The following NARS1 variants were observed in gnomAD, a reference collection of about 807,000 sequenced individuals.
NARS1 encodes the protein asparaginyl-tRNA synthetase 1, also known as asparagine--tRNA ligase, cytoplasmic.
In NARS1, 65 loss-of-function variants were observed where a neutral mutation model predicts 79.2. That is an observed-to-expected ratio of 0.82 (90% CI 0.67 to 1.01). NARS1 has a LOEUF of 1.01. Among genes scored for constraint, NARS1 ranks in the 50% least tolerant of loss-of-function variants. The pLI is 0.00. For missense variants in NARS1, 649 were observed against 673.8 expected (o/e 0.96, Z 0.41); for synonymous variants, 229 against 238.8 (o/e 0.96, Z 0.38).
rs1219029185 is a variant in NARS1 at position 57,606,729 on chromosome 18, A to G, written c.1024T>C (p.Cys342Arg). Residue 342 changes from cysteine to arginine, a missense_variant, in exon 10 of 14, where the codon TGT becomes CGT. Transcript: ENST00000256854. ...LAEYTHVEAE[C>R]PFLTFDDLLN... ...AGGTCGTCAAAAGTCAGGAAAGGACACTCAGCTTCCACGTGAGTGTACCTG... is the reference window on the plus strand; with the variant it reads ...AGGTCGTCAAAAGTCAGGAAAGGACGCTCAGCTTCCACGTGAGTGTACCTG... 1 of 1,614,052 alleles carries G rather than the reference A, an allele frequency of 6.2e-7. No individual in the cohort carries two copies. The highest frequency in any genetic ancestry group is 8.5e-7 in the Non-Finnish European group (1 of 1,180,038).
intron 2 of NARS1, among the ~76,000 whole-genome samples, chr18:57,619,266 A>ATTTTTTTTTTTTTTT (rs57667136): frequency 8.1e-6 from 1 of 123,756 alleles, no homozygotes; most frequent in Non-Finnish European, 1.7e-5. Context: ...TGCCTGGCTA[A>ATTTTTTTTTTTTTTT]TTTTTTTTTT....
chr18:57,607,735 T>G, intron 7 of NARS1, 70 bp from the exon 8 acceptor site: 1 of 1,293,650 alleles, frequency 7.7e-7, no homozygotes, highest in Admixed American at 2.7e-5. Context: ...TATTGAGGAT[T>G]TTAATTTATG....
In NARS1 at chr18:57,620,636, G is replaced by C; in HGVS notation, c.26C>G (p.Ser9Cys). Residue 9 changes from serine (S) to cysteine (C), a missense_variant, in exon 2 of 14, where the codon TCT (serine) becomes TGT (cysteine). Transcript: ENST00000256854. ...CGTGGCATCGCTTCCCTCTCGGTCA[G>C]AGACGTACAGCTCTGCTGTTTGACA... MVLAELYV[S>C]DREGSDATGD... 6.2e-7 allele frequency: 1 copy of C among 1,613,292 alleles called. No homozygotes were observed. Among genetic ancestry groups the C allele is most frequent in the Non-Finnish European group, 8.5e-7 (1 of 1,179,414 alleles).
At chr18:57,616,588 C>T (rs1424448537) in intron 2 of NARS1, among the ~76,000 whole-genome samples, 1 of 152,210 alleles carries the variant, frequency 6.6e-6, no homozygotes, top group Admixed American at 6.5e-5. Context: ...GGTACAAGGA[C>T]AACAGAAGAG....
At chr18:57,613,011 C>T (rs1267803162) in intron 5 of NARS1, among the ~76,000 whole-genome samples, 1 of 152,106 alleles carries the variant, frequency 6.6e-6, no homozygotes, top group African/African-American at 2.4e-5. Flanking sequence ...ACTATAATTG[C>T]TAACCATTAA....
At chr18:57,612,235 A>T (rs1428188265) in intron 5 of NARS1, among the ~76,000 whole-genome samples, 2 of 152,186 alleles carry the variant, frequency 1.3e-5, no homozygotes, top group Admixed American at 1.3e-4. Flanking sequence ...CCACACAACC[A>T]GGGGAAAGCA....
At chr18:57,619,511 G>A (rs909382780) in intron 2 of NARS1, among the ~76,000 whole-genome samples, 17 of 151,834 alleles carry the variant, frequency 1.1e-4, no homozygotes, top group Non-Finnish European at 2.1e-4. Context: ...GATTACAAAC[G>A]TGAGGCACCA....
At chr18:57,618,516 G>A (rs1425777861) in intron 2 of NARS1, among the ~76,000 whole-genome samples, 2 of 152,132 alleles carry the variant, frequency 1.3e-5, no homozygotes, top group East Asian at 1.9e-4. Flanking sequence ...TTCTGCAAAC[G>A]TTCATCTAAA....
At position 57,602,412 on chromosome 18, in the gene NARS1, C is replaced by T. The variant is rs1462670820; in HGVS notation, c.1458G>A (p.Leu486=). The T allele has an allele frequency of 5.0e-6, 8 of 1,613,926 alleles. No homozygotes were observed. Among genetic ancestry groups the T allele is most frequent in the Non-Finnish European group, 6.8e-6 (8 of 1,179,870 alleles). Residue 486 remains leucine, a synonymous_variant, in exon 13 of 14, where the codon CTG becomes CTA. Transcript: ENST00000256854. ...CAATCCCTTCCCTTTTATAACCTGC[C>T]AGTATTTCTTCACTATCAAAGATAC... ...SMRIFDSEEI[L]AGYKREGIDP...
intron 13 of NARS1, among the ~76,000 whole-genome samples, chr18:57,602,049 A>C (rs190432470): frequency 1.4e-4 from 22 of 152,302 alleles, no homozygotes; most frequent in Admixed American, 7.2e-4. Context: ...AAAACTTTTA[A>C]AATAAGTCAA....
chr18:57,605,955 TG>T lies in NARS1; in HGVS notation c.1152del (p.Lys385AsnfsTer7), dbSNP rs1424147998. ...TAGTTCATCCGTTTGAAAGGCCGTT[TG>T]GGGGGCTGAAAGTTCTACAGAAGAA... Reference protein sequence around the residue: ...VHELNPNFQPPKRPFKRMNYS... With the variant: ...VHELNPNFQPXKRPFKRMNYS... On this transcript the variant is annotated frameshift_variant, in exon 11 of 14. Transcript: ENST00000256854. LOFTEE classifies it high-confidence loss of function. 6 of 1,612,964 alleles carry T rather than the reference TG, an allele frequency of 3.7e-6. No individual in the cohort carries two copies. The highest frequency in any genetic ancestry group is 5.1e-6 in the Non-Finnish European group (6 of 1,179,344).
intron 4 of NARS1, among the ~76,000 whole-genome samples, chr18:57,615,229 G>A (rs577343301): frequency 1.7e-4 from 26 of 149,214 alleles, no homozygotes; most frequent in Middle Eastern, 3.8e-3. Flanking sequence ...TAGGCCGGGC[G>A]CAGTGGCTCA....
At position 57,602,414 on chromosome 18, in the gene NARS1, G is replaced by C; in HGVS notation, c.1456C>G (p.Leu486Val). Residue 486 changes from leucine (L) to valine (V), a missense_variant, in exon 13 of 14, where the codon CTG becomes GTG. By Grantham distance (32) the Leu-to-Val change is conservative. Transcript: ENST00000256854. Reference sequence around the variant, plus strand: ...ATCCCTTCCCTTTTATAACCTGCCAGTATTTCTTCACTATCAAAGATACGC... The same window carrying C: ...ATCCCTTCCCTTTTATAACCTGCCACTATTTCTTCACTATCAAAGATACGC... ...SMRIFDSEEILAGYKREGIDP... is the reference protein window; with the variant it reads ...SMRIFDSEEIVAGYKREGIDP... 6.2e-7 allele frequency: 1 copy of C among 1,613,846 alleles called. No homozygotes were observed.
intron 6 of NARS1, 69 bp downstream of exon 6, chr18:57,611,568 T>C: frequency 9.8e-7 from 1 of 1,024,870 alleles, no homozygotes; most frequent in Admixed American, 2.5e-5. Flanking sequence ...TAAATAAATG[T>C]ATACAAAACA....
chr18:57,615,433 C>T lies in NARS1; in HGVS notation c.342+208G>A, dbSNP rs536970873. ...AGGAGAATGGCGTGAACCCGGGAGG[C>T]GGAGCTTGCAGTGAGCTGAGATTGA... On this transcript the variant is annotated intron_variant, in intron 4 of 13. Transcript: ENST00000256854. Among the ~76,000 whole-genome samples the T allele has an allele frequency of 8.5e-5, 13 of 152,108 alleles. No homozygotes were observed. The East Asian group carries it at 1.9e-3, about 23-fold the overall frequency.
intron 2 of NARS1, among the ~76,000 whole-genome samples, chr18:57,617,892 G>A (rs1248920898): frequency 6.7e-6 from 1 of 148,724 alleles, no homozygotes; most frequent in Non-Finnish European, 1.5e-5. Flanking sequence ...TCCAGCCTGG[G>A]TGACAGTGTG....
chr18:57,601,509 G>T lies in NARS1; in HGVS notation c.*143C>A. 1.3e-6 allele frequency: 1 copy of T among 763,456 alleles called. No homozygotes were observed. The highest frequency in any genetic ancestry group is 1.8e-5 in the African/African-American group (1 of 56,940). The allele number at this position is 763,456 out of a possible 1,614,324, so 47.3% of individuals were successfully genotyped here. On this transcript the variant is annotated 3_prime_UTR_variant, in exon 14 of 14. Transcript: ENST00000256854. ...ATATCACTTGATGTTCAGGTGATTT[G>T]AGATAGTTTTTATGGTAGTAGAAAG...
At chr18:57,610,291 G>A (rs914239075) in intron 6 of NARS1, among the ~76,000 whole-genome samples, 1 of 151,408 alleles carries the variant, frequency 6.6e-6, no homozygotes, top group Admixed American at 6.6e-5. Context: ...GGCCAACATG[G>A]CAAAAACCTG....
rs181716261 is a variant in NARS1, at chr18:57,615,831, G to A, written c.238C>T (p.Arg80Trp). 3.6e-5 allele frequency: 58 copies of A among 1,611,588 alleles called. No homozygotes were observed. The highest frequency in any genetic ancestry group is 1.3e-4 in the African/African-American group (10 of 74,818). The change falls in exon 3 of 14, where the codon CGG (arginine) becomes TGG (tryptophan). Residue 80 changes from arginine to tryptophan, a missense_variant. Transcript: ENST00000256854. The stretch of plus-strand genomic sequence containing the variant: ...TCAGGACTCACCTCTTTCTTTTCCC[G>A]GGATTCACTCTTCATTTGTTCCCTA... ...WHREQMKSES[R>W]EKKEAEDSLR...
Sources: allele counts gnomAD v4.1 joint callset (sites outside exome capture counted in the v4.1 genomes callset), GRCh38; gene constraint gnomAD v4.1.1; transcripts MANE v1.5; gene names NCBI Gene and HGNC (gene_info 2026-07-23, HGNC 2026-07-21).